Variants in FSIP1 observed in about 807,000 individuals in gnomAD.
The protein encoded by FSIP1 is fibrous sheath-interacting protein 1.
In FSIP1, 65 loss-of-function variants were observed where a neutral mutation model predicts 60.9. The ratio of observed to expected loss-of-function variants is 1.07; its 90% confidence interval spans 0.87 to 1.31. FSIP1 has a LOEUF of 1.31. FSIP1 is among the 40% of genes most tolerant of loss of function. The pLI is 0.00. For synonymous variants in FSIP1, 209 were observed against 221.2 expected, an observed-to-expected ratio of 0.94 and a Z score of 0.49; for missense variants, 675 against 665.5, an observed-to-expected ratio of 1.01 and a Z score of -0.16.
intron 10 of FSIP1, among the ~76,000 whole-genome samples, chr15:39,646,178 C>T (rs1253937704): frequency 6.6e-6 from 1 of 152,076 alleles, no homozygotes; most frequent in African/African-American, 2.4e-5. Context: ...ATGGGAAGAC[C>T]AGCTGCAGAG....
In FSIP1 at chr15:39,617,799, G is replaced by A. The variant is rs1437668063; in HGVS notation, c.1635C>T (p.Ile545=). ...GGTCTTCTGATGAAAGGCTCACACT[G>A]ATACCATACAGTGGATCATCTAAGA... is the stretch of plus-strand genomic sequence containing the variant. The part of the protein sequence containing the change: ...PSFLDDPLYG[I]SVSLSSEDQH... The change falls in exon 11 of 12, where the codon ATC becomes ATT. Residue 545 remains isoleucine, a synonymous_variant. Transcript: ENST00000350221. 1.2e-6 allele frequency: 2 copies of A among 1,614,046 alleles called. No individual in the cohort carries two copies. Among genetic ancestry groups the A allele is most frequent in the Admixed American group, 3.3e-5 (2 of 60,030 alleles).
At chr15:39,704,155 A>G (rs1471889426) in intron 10 of FSIP1, among the ~76,000 whole-genome samples, 1 of 152,268 alleles carries the variant, frequency 6.6e-6, no homozygotes, top group Non-Finnish European at 1.5e-5. Flanking sequence ...CACACCTGCC[A>G]CCACCTACAG....
intron 9 of FSIP1, among the ~76,000 whole-genome samples, chr15:39,717,595 A>G (rs1428302915): frequency 1.3e-5 from 2 of 152,214 alleles, no homozygotes; most frequent in African/African-American, 4.8e-5. Flanking sequence ...TCCCTTTTCA[A>G]TGGGAGTGTT....
chr15:39,708,541 G>T (rs150420629), intron 10 of FSIP1, among the ~76,000 whole-genome samples: 5 of 151,998 alleles, frequency 3.3e-5, no homozygotes, highest in African/African-American at 9.7e-5. Context: ...AAATCTCTTT[G>T]GGAAGTTACC....
chr15:39,666,974 A>T (rs1049349329), intron 10 of FSIP1, among the ~76,000 whole-genome samples: 4 of 152,218 alleles, frequency 2.6e-5, no homozygotes, highest in African/African-American at 9.6e-5. Flanking sequence ...AACTCTAGAG[A>T]TTACCATTCT....
intron 5 of FSIP1, among the ~76,000 whole-genome samples, chr15:39,759,164 C>T (rs1897401618): frequency 6.6e-6 from 1 of 151,378 alleles, no homozygotes; most frequent in Admixed American, 6.6e-5. Context: ...AAAGAAATGA[C>T]TAACTAGAGC....
intron 1 of FSIP1, among the ~76,000 whole-genome samples, chr15:39,779,256 T>C (rs1898166840): frequency 6.7e-6 from 1 of 150,148 alleles, no homozygotes; most frequent in Non-Finnish European, 1.5e-5. Context: ...CCAATAATCC[T>C]GCTTTAAAAA....
At chr15:39,768,595 C>G (rs757438804) in intron 3 of FSIP1, among the ~76,000 whole-genome samples, 6 of 152,174 alleles carry the variant, frequency 3.9e-5, no homozygotes, top group Admixed American at 1.3e-4. Flanking sequence ...TTCTCATATT[C>G]TCATAGGAAG....
intron 10 of FSIP1, among the ~76,000 whole-genome samples, chr15:39,633,523 T>C (rs938028395): frequency 3.9e-5 from 6 of 152,204 alleles, no homozygotes; most frequent in Non-Finnish European, 5.9e-5. Flanking sequence ...TTAAAATCAA[T>C]TTTGCATTTA....
At chr15:39,615,245 C>T (rs1303344984) in intron 11 of FSIP1, among the ~76,000 whole-genome samples, 1 of 150,366 alleles carries the variant, frequency 6.7e-6, no homozygotes, top group Non-Finnish European at 1.5e-5. Flanking sequence ...AAGGCACAGG[C>T]AAAAATAGAC....
At chr15:39,658,396 C>A (rs1369230857) in intron 10 of FSIP1, among the ~76,000 whole-genome samples, 5 of 151,664 alleles carry the variant, frequency 3.3e-5, no homozygotes, top group Admixed American at 2.0e-4. Context: ...ATTACAGGTG[C>A]CTGCCACCAT....
intron 10 of FSIP1, among the ~76,000 whole-genome samples, chr15:39,683,856 T>G (rs937960): frequency 0.63 from 95,062 of 152,046 alleles, 31,346 homozygotes; most frequent in Non-Finnish European, 0.75. Context: ...AGTGTTACAA[T>G]TTATACTTAA....
intron 10 of FSIP1, among the ~76,000 whole-genome samples, chr15:39,687,932 T>A (rs914057387): frequency 6.6e-6 from 1 of 152,126 alleles, no homozygotes; most frequent in African/African-American, 2.4e-5. Context: ...CTTAAAGGAA[T>A]CTCTAACTCC....
At chr15:39,678,179 A>G (rs1894019789) in intron 10 of FSIP1, among the ~76,000 whole-genome samples, 1 of 152,102 alleles carries the variant, frequency 6.6e-6, no homozygotes. Flanking sequence ...AATTGTTAAC[A>G]TATTTTGCTA....
chr15:39,765,994 A>G (rs1897672730), intron 3 of FSIP1, among the ~76,000 whole-genome samples: 1 of 152,256 alleles, frequency 6.6e-6, no homozygotes, highest in Admixed American at 6.5e-5. Context: ...CCTTTCAAAT[A>G]TGTAACAAAT....
chr15:39,687,986 G>T (rs938269699), intron 10 of FSIP1, among the ~76,000 whole-genome samples: 1 of 152,104 alleles, frequency 6.6e-6, no homozygotes, highest in Admixed American at 6.5e-5. Flanking sequence ...CAAGCACTAG[G>T]AATCAGAAGA....
At chr15:39,738,291 A>C in intron 7 of FSIP1, 90 bp from the exon 8 acceptor site, 1 of 745,050 alleles carries the variant, frequency 1.3e-6, no homozygotes, top group East Asian at 2.6e-5. Context: ...TCTACACTAC[A>C]GATACACAAA....
rs186735571 is a variant in FSIP1, at chr15:39,618,568, A to G, written c.1189-323T>C. On this transcript the variant is annotated intron_variant, in intron 10 of 11. Coordinates refer to ENST00000350221, the MANE Select transcript of FSIP1 (RefSeq NM_152597.5). ...TTCAGCACTCCCATGTCTGTCCACA[A>G]CTATCAGTGGACAATACTGCTGAAG... Among the ~76,000 whole-genome samples the G allele has an allele frequency of 3.9e-5, 6 of 152,294 alleles. No homozygotes were observed. The East Asian group carries it at 1.2e-3, about 29-fold the overall frequency.
chr15:39,781,948 G>A (rs1258701526), intron 1 of FSIP1, among the ~76,000 whole-genome samples: 1 of 152,232 alleles, frequency 6.6e-6, no homozygotes, highest in South Asian at 2.1e-4. Flanking sequence ...TTAAATGGGT[G>A]AGGCTTACCA....
Sources: gnomAD v4.1 joint callset for allele counts (sites outside exome capture counted in the v4.1 genomes callset) on GRCh38, gnomAD v4.1.1 for gene constraint, MANE v1.5 for transcripts, NCBI Gene and HGNC (gene_info 2026-07-23, HGNC 2026-07-21) for gene names.